Variants in DCDC1 observed in about 807,000 individuals in gnomAD.
DCDC1 encodes the protein doublecortin domain-containing protein 1.
Under a neutral mutation model 178.3 loss-of-function variants are expected in DCDC1, and 200 were observed. The observed-to-expected ratio is 1.12, with a 90% CI of 1.00 to 1.26. The LOEUF (loss-of-function observed/expected upper bound fraction) is 1.26. Ranked by LOEUF, DCDC1 falls within the 50% of genes most tolerant of loss-of-function variation. DCDC1 has a pLI of 0.00. For missense variants in DCDC1, 1,983 were observed against 1,749.2 expected (o/e 1.13, Z -2.38); for synonymous variants, 690 against 604.8 (o/e 1.14, Z -2.07).
chr11:31,363,553 A>G (rs959005686), intron 1 of DCDC1, among the ~76,000 whole-genome samples: 1 of 152,180 alleles, frequency 6.6e-6, no homozygotes, highest in African/African-American at 2.4e-5. Flanking sequence ...AAATTAAAAA[A>G]CCTGAATGCA....
chr11:31,004,127 C>T (rs529634922), intron 20 of DCDC1, among the ~76,000 whole-genome samples: 28 of 151,992 alleles, frequency 1.8e-4, no homozygotes, highest in African/African-American at 6.3e-4. Flanking sequence ...ATGTTTTTTC[C>T]CAAATTATTT....
chr11:30,997,120 A>G (rs1435736378), intron 20 of DCDC1, among the ~76,000 whole-genome samples: 3 of 152,246 alleles, frequency 2.0e-5, no homozygotes, highest in African/African-American at 7.2e-5. Context: ...TTTGAATGAC[A>G]TTATGTAAAA....
intron 20 of DCDC1, among the ~76,000 whole-genome samples, chr11:30,978,236 G>C (rs924986130): frequency 7.9e-5 from 12 of 152,194 alleles, no homozygotes; most frequent in African/African-American, 2.7e-4. Flanking sequence ...CCTCAGACCT[G>C]TCTGGATTAG....
At position 31,323,274 on chromosome 11, in the gene DCDC1, C is replaced by G. The variant is rs545703238; in HGVS notation, c.164+4843G>C. Among the ~76,000 whole-genome samples, 23 of 152,306 alleles carry G rather than the reference C, an allele frequency of 1.5e-4. 2 individuals are homozygous for G. In the South Asian group the frequency reaches 4.8e-3, roughly 32 times the overall value. ...ACAAACATGCAGGTATAAGTTATCA[C>G]ACAATTTGGATGTGAATTCAACAGC... On this transcript the variant is annotated intron_variant, in intron 3 of 38. Coordinates refer to ENST00000684477, the MANE Select transcript of DCDC1 (RefSeq NM_001387274.1).
intron 17 of DCDC1, among the ~76,000 whole-genome samples, chr11:31,078,929 G>A (rs1279350327): frequency 2.6e-5 from 4 of 151,692 alleles, no homozygotes; most frequent in Non-Finnish European, 5.9e-5. Context: ...CCATGTACTA[G>A]AATAATGAGG....
intron 9 of DCDC1, among the ~76,000 whole-genome samples, chr11:31,203,071 G>T (rs992277160): frequency 1.3e-5 from 2 of 151,588 alleles, no homozygotes; most frequent in Admixed American, 1.3e-4. Flanking sequence ...AGGAGGAGAG[G>T]AAAAATAACC....
chr11:30,917,155 G>T, intron 25 of DCDC1, 127 bp from the exon 26 acceptor site: 3 of 883,200 alleles, frequency 3.4e-6, no homozygotes, highest in South Asian at 6.9e-5. Flanking sequence ...ATTTCCATAA[G>T]GGTGCCTAAT....
chr11:30,948,646 C>T (rs1434946524), intron 21 of DCDC1, among the ~76,000 whole-genome samples: 1 of 152,240 alleles, frequency 6.6e-6, no homozygotes, highest in South Asian at 2.1e-4. Context: ...GGTACTGCTA[C>T]AACAACAGAT....
intron 9 of DCDC1, among the ~76,000 whole-genome samples, chr11:31,188,904 T>C (rs1969818468): frequency 6.6e-6 from 1 of 152,096 alleles, no homozygotes; most frequent in African/African-American, 2.4e-5. Flanking sequence ...AAGGTGATTG[T>C]GTCATGAGGG....
At chr11:31,340,137 T>C (rs1354109915) in intron 1 of DCDC1, among the ~76,000 whole-genome samples, 1 of 152,200 alleles carries the variant, frequency 6.6e-6, no homozygotes, top group Non-Finnish European at 1.5e-5. Flanking sequence ...TGGTTTCCTT[T>C]ACCCAGGGAT....
At chr11:30,989,783 T>C (rs1272431596) in intron 20 of DCDC1, among the ~76,000 whole-genome samples, 2 of 152,186 alleles carry the variant, frequency 1.3e-5, no homozygotes, top group African/African-American at 4.8e-5. Context: ...AAGCCATTTT[T>C]TAAAAGATGA....
At chr11:31,342,429 T>G (rs147690167) in intron 1 of DCDC1, among the ~76,000 whole-genome samples, 28 of 152,274 alleles carry the variant, frequency 1.8e-4, no homozygotes, top group East Asian at 1.5e-3. Flanking sequence ...AATGAAATGG[T>G]GAACTTGGAA....
At chr11:31,245,167 C>T (rs1022520573) in intron 8 of DCDC1, among the ~76,000 whole-genome samples, 4 of 151,438 alleles carry the variant, frequency 2.6e-5, no homozygotes, top group African/African-American at 9.7e-5. Flanking sequence ...TAATTGCTCC[C>T]TCCTCTATGC....
chr11:31,003,289 T>C (rs1241250429), intron 20 of DCDC1, among the ~76,000 whole-genome samples: 1 of 152,152 alleles, frequency 6.6e-6, no homozygotes, highest in African/African-American at 2.4e-5. Flanking sequence ...CAGACAGTGA[T>C]GGAGCTATTT....
chr11:30,964,702 T>A (rs1319222072), intron 20 of DCDC1, among the ~76,000 whole-genome samples: 2 of 152,074 alleles, frequency 1.3e-5, no homozygotes, highest in South Asian at 2.1e-4. Flanking sequence ...TAAGTCCAAT[T>A]ATATATATAT....
At chr11:31,090,297 G>C (rs764574680) in intron 17 of DCDC1, among the ~76,000 whole-genome samples, 1 of 152,122 alleles carries the variant, frequency 6.6e-6, no homozygotes, top group Non-Finnish European at 1.5e-5. Flanking sequence ...ACTGGCAATT[G>C]TCTGACTGGA....
intron 1 of DCDC1, among the ~76,000 whole-genome samples, chr11:31,346,305 C>CA (rs994604822): frequency 7.4e-5 from 11 of 149,642 alleles, no homozygotes; most frequent in Non-Finnish European, 1.0e-4. Flanking sequence ...ACTAAAAATA[C>CA]AAAAAAAAAT....
intron 10 of DCDC1, among the ~76,000 whole-genome samples, chr11:31,128,742 T>C (rs552647906): frequency 3.3e-5 from 5 of 152,234 alleles, no homozygotes; most frequent in East Asian, 3.9e-4. Context: ...GCTTTACATA[T>C]TGATAATTAA....
intron 20 of DCDC1, among the ~76,000 whole-genome samples, chr11:31,060,150 T>C (rs561915846): frequency 1.2e-4 from 18 of 152,218 alleles, no homozygotes; most frequent in Non-Finnish European, 2.2e-4. Context: ...TTTGAATTTA[T>C]ATTCTCCTAA....
Sources: gnomAD v4.1 joint callset for allele counts (sites outside exome capture counted in the v4.1 genomes callset) on GRCh38, gnomAD v4.1.1 for gene constraint, MANE v1.5 for transcripts, NCBI Gene and HGNC (gene_info 2026-07-23, HGNC 2026-07-21) for gene names.